Variants in THSD4 observed in about 807,000 individuals in gnomAD.
The protein encoded by THSD4 is thrombospondin type-1 domain-containing protein 4.
In THSD4, 69 loss-of-function variants were observed where a neutral mutation model predicts 119.0. The observed-to-expected ratio is 0.58, with a 90% CI of 0.48 to 0.71. The LOEUF (loss-of-function observed/expected upper bound fraction) is 0.71. Among genes scored for constraint, THSD4 ranks in the 30% least tolerant of loss-of-function variants. The pLI is 0.00. For missense variants in THSD4, 1,393 were observed against 1,391.1 expected, an observed-to-expected ratio of 1.00 and a Z score of -0.02; for synonymous variants, 524 against 540.4, an observed-to-expected ratio of 0.97 and a Z score of 0.42.
At chr15:71,209,283 T>C (rs149325673) in intron 3 of THSD4, among the ~76,000 whole-genome samples, 3 of 152,330 alleles carry the variant, frequency 2.0e-5, no homozygotes, top group African/African-American at 7.2e-5. Context: ...CAAGTAATAC[T>C]AGCAGATTCG....
chr15:71,256,684 C>A lies in THSD4; in HGVS notation c.984C>A (p.Gly328=), dbSNP rs2044321594. The part of the protein sequence containing the change: ...CASYNNKPFM[G]RFYEWEPFAE... ...CCTACAACAACAAGCCATTCATGGG[C>A]CGGTTTTATGAGTGGGAACCATTTG... The change falls in exon 6 of 18, where the codon GGC becomes GGA. Residue 328 remains glycine, a synonymous_variant. Coordinates refer to ENST00000261862, the MANE Select transcript of THSD4 (RefSeq NM_024817.3). 3.1e-6 allele frequency: 5 copies of A among 1,613,838 alleles called. No individual in the cohort carries two copies. The African/African-American group carries it at 6.7e-5, about 22-fold the overall frequency.
Position 71,678,785 on chromosome 15 carries a change from A to C in THSD4, c.1357+18051A>C, listed in dbSNP as rs112111111. Among the ~76,000 whole-genome samples, 1,196 of 152,332 alleles carry C rather than the reference A, an allele frequency of 7.9e-3. 15 individuals are homozygous for C. The highest frequency in any genetic ancestry group is 0.027 in the African/African-American group (1,128 of 41,576). ...AATTAGAAACCATATAAATGTCAGC[A>C]TGGGAAAGACTCACTCCTTCTGTCT... On this transcript the variant is annotated intron_variant, in intron 8 of 17. Transcript: ENST00000261862.
chr15:71,247,701 A>G (rs2044217570), intron 5 of THSD4, among the ~76,000 whole-genome samples: 1 of 152,184 alleles, frequency 6.6e-6, no homozygotes, highest in Admixed American at 6.5e-5. Flanking sequence ...CAGTGAGTGA[A>G]GGCTTCACCT....
At chr15:71,556,326 T>C (rs562915518) in intron 7 of THSD4, among the ~76,000 whole-genome samples, 1 of 152,306 alleles carries the variant, frequency 6.6e-6, no homozygotes, top group Admixed American at 6.5e-5. Context: ...AATAAAGTTT[T>C]ACAATTTTCT....
At chr15:71,342,078 G>T (rs1261235595) in intron 6 of THSD4, among the ~76,000 whole-genome samples, 1 of 152,054 alleles carries the variant, frequency 6.6e-6, no homozygotes, top group Non-Finnish European at 1.5e-5. Context: ...TGGATTGATG[G>T]GTGGACATGC....
rs960063607 is a variant in THSD4, at chr15:71,777,822, T to C, written c.*448T>C. The C allele has an allele frequency of 5.4e-6, 1 of 185,716 alleles. No homozygotes were observed. The highest frequency in any genetic ancestry group is 1.2e-5 in the Non-Finnish European group (1 of 86,550). The allele number at this position is 185,716 out of a possible 1,614,324, so 11.5% of individuals were successfully genotyped here. On this transcript the variant is annotated 3_prime_UTR_variant, in exon 18 of 18. Transcript: ENST00000261862. ...CCCAACCCAGCGCCCCACTAAGCCT[T>C]GCTGACACGCGTGCATCCCTCTGTG...
chr15:71,540,353 G>A (rs2048741983), intron 7 of THSD4, among the ~76,000 whole-genome samples: 1 of 151,216 alleles, frequency 6.6e-6, no homozygotes, highest in Non-Finnish European at 1.5e-5. Context: ...GGTCAGGCTG[G>A]TCTCGAACTC....
At chr15:71,597,482 A>G in intron 7 of THSD4, among the ~76,000 whole-genome samples, 1 of 152,320 alleles carries the variant, frequency 6.6e-6, no homozygotes, top group Non-Finnish European at 1.5e-5. Context: ...TATGCCAGCT[A>G]TTTCTATAGA....
At chr15:71,522,131 G>C (rs1237835920) in intron 7 of THSD4, among the ~76,000 whole-genome samples, 1 of 152,174 alleles carries the variant, frequency 6.6e-6, no homozygotes, top group East Asian at 1.9e-4. Context: ...TACTCTTTAA[G>C]ATGGAGTGAT....
chr15:71,299,043 C>A (rs138113970), intron 6 of THSD4, among the ~76,000 whole-genome samples: 4 of 152,320 alleles, frequency 2.6e-5, no homozygotes, highest in Admixed American at 1.3e-4. Context: ...AGTCTCTAGT[C>A]TGAGTCGCCT....
At chr15:71,567,792 T>C (rs952737825) in intron 7 of THSD4, among the ~76,000 whole-genome samples, 1 of 151,916 alleles carries the variant, frequency 6.6e-6, no homozygotes, top group African/African-American at 2.4e-5. Context: ...TGTGTGTGTG[T>C]GTTTGTAGGT....
intron 7 of THSD4, among the ~76,000 whole-genome samples, chr15:71,524,232 A>T (rs1166534076): frequency 6.6e-6 from 1 of 152,222 alleles, no homozygotes; most frequent in Non-Finnish European, 1.5e-5. Context: ...TGCCAGCCTT[A>T]AAGATAGCCA....
chr15:71,770,555 T>C (rs935589227), intron 16 of THSD4, among the ~76,000 whole-genome samples: 9 of 151,964 alleles, frequency 5.9e-5, no homozygotes, highest in African/African-American at 1.9e-4. Flanking sequence ...CTGGGGAGGC[T>C]GAGGCAGCAG....
intron 8 of THSD4, among the ~76,000 whole-genome samples, chr15:71,698,149 C>G (rs543492993): frequency 6.6e-6 from 1 of 152,262 alleles, no homozygotes; most frequent in Non-Finnish European, 1.5e-5. Context: ...TTCCTGATGC[C>G]TATTGCAGTA....
intron 8 of THSD4, among the ~76,000 whole-genome samples, chr15:71,709,484 G>A (rs531833503): frequency 9.2e-5 from 14 of 152,254 alleles, no homozygotes; most frequent in Admixed American, 5.9e-4. Flanking sequence ...GATCAGACCC[G>A]TCCTAGTTAT....
chr15:71,326,673 CAAAAAAAAAAAAAAAA>C (rs375081607), intron 6 of THSD4, among the ~76,000 whole-genome samples: 6 of 12,944 alleles, frequency 4.6e-4, no homozygotes, highest in Admixed American at 2.4e-3. Context: ...GATTCCATCT[CAAAAAAAAAAAAAAAA>C]AAAAAAAAAA....
intron 6 of THSD4, among the ~76,000 whole-genome samples, chr15:71,258,091 AC>A (rs2044341281): frequency 6.6e-6 from 1 of 152,094 alleles, no homozygotes; most frequent in African/African-American, 2.4e-5. Flanking sequence ...TTGTTGGAAA[AC>A]CTAGTGAAAT....
At chr15:71,720,644 T>G (rs1260781422) in intron 8 of THSD4, among the ~76,000 whole-genome samples, 1 of 152,214 alleles carries the variant, frequency 6.6e-6, no homozygotes, top group Non-Finnish European at 1.5e-5. Flanking sequence ...ATATTTCATT[T>G]TCAGGGTATC....
At position 71,377,877 on chromosome 15, in the gene THSD4, C is replaced by CACACACACACACACACACACACACACAA. The variant is rs1555407763; in HGVS notation, c.1016-33783_1016-33782insAACACACACACACACACACACACACACA. ...CCCGGACATATCCACAACACACACA[C>CACACACACACACACACACACACACACAA]ACACACACACACACACACACACACA... On this transcript the variant is annotated intron_variant, in intron 6 of 17. Transcript: ENST00000261862. 2.7e-3 allele frequency among the ~76,000 whole-genome samples: 205 copies of CACACACACACACACACACACACACACAA among 75,692 alleles called. 1 individual carries two copies. Among genetic ancestry groups the CACACACACACACACACACACACACACAA allele is most frequent in the South Asian group, 0.014 (30 of 2,206 alleles). 49.7% of individuals were successfully genotyped at this position (75,692 alleles called of 152,430 possible).
Sources: allele counts gnomAD v4.1 joint callset (sites outside exome capture counted in the v4.1 genomes callset), GRCh38; gene constraint gnomAD v4.1.1; transcripts MANE v1.5; gene names NCBI Gene and HGNC (gene_info 2026-07-23, HGNC 2026-07-21).